The following NRG1 variants were observed in gnomAD, a reference collection of about 807,000 sequenced individuals.
The protein encoded by NRG1 is pro-neuregulin-1, membrane-bound isoform.
Under a neutral mutation model 63.8 loss-of-function variants are expected in NRG1, and 18 were observed. The observed-to-expected ratio is 0.28, with a 90% CI of 0.19 to 0.42. NRG1 has a LOEUF of 0.42. Among genes scored for constraint, NRG1 ranks in the 10% least tolerant of loss-of-function variants. The probability of loss-of-function intolerance (pLI) is 1.00; values close to 1 mark genes in which losing one functional copy is unlikely to be tolerated. For synonymous variants in NRG1, 302 were observed against 301.3 expected (o/e 1.00, Z -0.02); for missense variants, 762 against 814.7 (o/e 0.94, Z 0.79).
At position 31,801,985 on chromosome 8, in the gene NRG1, T is replaced by C. The variant is rs112040172; in HGVS notation, c.37+162554T>C. ...TGCTGCCATAGTGGGCCTATCCACA[T>C]GGCTCATTCTCTGTAACACTAACTT... On this transcript the variant is annotated intron_variant, in intron 1 of 10. Transcript: ENST00000519301. Among the ~76,000 whole-genome samples the C allele has an allele frequency of 6.0e-3, 915 of 152,316 alleles. 4 individuals are homozygous for C. The highest frequency in any genetic ancestry group is 9.7e-3 in the Non-Finnish European group (657 of 68,032).
intron 1 of NRG1, among the ~76,000 whole-genome samples, chr8:32,581,658 TACTTA>T (rs1189395152): frequency 1.5e-4 from 23 of 152,302 alleles, no homozygotes; most frequent in African/African-American, 4.1e-4. Context: ...GGAAGAGGGA[TACTTA>T]ACTTATTATT....
chr8:31,848,306 T>C (rs979939850), intron 1 of NRG1, among the ~76,000 whole-genome samples: 2 of 152,262 alleles, frequency 1.3e-5, no homozygotes, highest in Middle Eastern at 6.8e-3. Context: ...GTATTTTGGA[T>C]TACACAGAGT....
intron 1 of NRG1, among the ~76,000 whole-genome samples, chr8:32,301,123 G>A (rs78133209): frequency 0.026 from 3,953 of 152,218 alleles, 80 homozygotes; most frequent in Admixed American, 0.042. Context: ...ATGGAATTTG[G>A]TAGTAAAAGA....
intron 1 of NRG1, among the ~76,000 whole-genome samples, chr8:32,270,648 G>T (rs1184949713): frequency 2.6e-5 from 4 of 152,102 alleles, no homozygotes; most frequent in Non-Finnish European, 5.9e-5. Flanking sequence ...GTTTCTTTGG[G>T]ATTACCAATT....
Position 31,701,960 on chromosome 8 carries a change from T to G in NRG1, c.37+62529T>G, listed in dbSNP as rs138467778. Among the ~76,000 whole-genome samples, 11 of 152,206 alleles carry G rather than the reference T, an allele frequency of 7.2e-5. No homozygotes were observed. In the East Asian group the frequency reaches 2.1e-3, roughly 29 times the overall value. On this transcript the variant is annotated intron_variant, in intron 1 of 10. Coordinates refer to the NRG1 transcript ENST00000519301. ...CTGTGAGCTTATTAGAACTGTAAAT[T>G]TATGAGCCCCACCTAACCTATTGAG...
At chr8:32,384,089 T>C (rs1483899077) in intron 1 of NRG1, among the ~76,000 whole-genome samples, 1 of 151,928 alleles carries the variant, frequency 6.6e-6, no homozygotes, top group Non-Finnish European at 1.5e-5. Context: ...TAGAAAAACA[T>C]AGCCAGGAGT....
chr8:32,748,352 C>CAG (rs1827932510), intron 7 of NRG1, among the ~76,000 whole-genome samples: 1 of 99,962 alleles, frequency 1.0e-5, no homozygotes, highest in South Asian at 4.1e-4. Flanking sequence ...CACACACACA[C>CAG]ACACACAGAG....
chr8:32,614,410 A>T, intron 3 of NRG1, 104 bp from the exon 4 acceptor site: 1 of 1,102,838 alleles, frequency 9.1e-7, no homozygotes, highest in Non-Finnish European at 1.4e-6. Flanking sequence ...CCCTTGCAAT[A>T]CTTCCTTCCT....
chr8:31,808,689 CT>C (rs1267940207), intron 1 of NRG1, among the ~76,000 whole-genome samples: 1 of 152,014 alleles, frequency 6.6e-6, no homozygotes, highest in Non-Finnish European at 1.5e-5. Flanking sequence ...AATACCTAGA[CT>C]TATAAATCAG....
intron 1 of NRG1, among the ~76,000 whole-genome samples, chr8:31,972,472 C>T (rs1435588613): frequency 6.6e-6 from 1 of 152,140 alleles, no homozygotes; most frequent in Non-Finnish European, 1.5e-5. Flanking sequence ...ACAAGAACCT[C>T]TCATATCTCA....
intron 5 of NRG1, among the ~76,000 whole-genome samples, chr8:32,626,186 T>A (rs1453868205): frequency 6.7e-6 from 1 of 150,082 alleles, no homozygotes; most frequent in Non-Finnish European, 1.5e-5. Flanking sequence ...TGCATATTTC[T>A]TGGGAAGTGG....
intron 1 of NRG1, among the ~76,000 whole-genome samples, chr8:31,841,104 A>T (rs1343850983): frequency 6.6e-6 from 1 of 152,130 alleles, no homozygotes; most frequent in Non-Finnish European, 1.5e-5. Flanking sequence ...AAGTTACTAT[A>T]CTTTGCCTGC....
intron 1 of NRG1, among the ~76,000 whole-genome samples, chr8:31,939,585 T>C (rs955885153): frequency 2.0e-4 from 30 of 151,608 alleles, no homozygotes; most frequent in African/African-American, 5.6e-4. Flanking sequence ...TAACATTGAA[T>C]GTAAATAGCC....
At chr8:32,211,001 C>T (rs1180004464) in intron 1 of NRG1, among the ~76,000 whole-genome samples, 1 of 152,064 alleles carries the variant, frequency 6.6e-6, no homozygotes, top group African/African-American at 2.4e-5. Context: ...ATTAATACAC[C>T]CTCTTTATAA....
At chr8:32,190,250 A>AT (rs1842363132) in intron 1 of NRG1, among the ~76,000 whole-genome samples, 1 of 151,374 alleles carries the variant, frequency 6.6e-6, no homozygotes, top group African/African-American at 2.4e-5. Flanking sequence ...TCCTCTAGAT[A>AT]TTTTTTCTGC....
intron 1 of NRG1, among the ~76,000 whole-genome samples, chr8:32,074,359 G>A (rs1354377462): frequency 6.6e-6 from 1 of 152,108 alleles, no homozygotes; most frequent in African/African-American, 2.4e-5. Flanking sequence ...ACTCAAGCAT[G>A]ATTAGAATTG....
intron 3 of NRG1, among the ~76,000 whole-genome samples, chr8:32,609,283 T>G (rs1267357975): frequency 6.6e-6 from 1 of 152,186 alleles, no homozygotes; most frequent in Admixed American, 6.5e-5. Context: ...AAGAATTTGC[T>G]ATATTCTGTT....
chr8:32,092,460 T>TGAA (rs1587068112), intron 1 of NRG1, among the ~76,000 whole-genome samples: 1 of 43,246 alleles, frequency 2.3e-5, no homozygotes, highest in Non-Finnish European at 5.3e-5. Context: ...AGACCCTGTC[T>TGAA]CAAAAAAAAA....
chr8:31,831,633 GGGTATTCTC>G (rs1825173871), intron 1 of NRG1, among the ~76,000 whole-genome samples: 1 of 152,108 alleles, frequency 6.6e-6, no homozygotes, highest in Non-Finnish European at 1.5e-5. Context: ...GGTCAATTTT[GGGTATTCTC>G]TCTCTATGGA....
Sources: allele counts gnomAD v4.1 joint callset (sites outside exome capture counted in the v4.1 genomes callset), GRCh38; gene constraint gnomAD v4.1.1; transcripts MANE v1.5; gene names NCBI Gene and HGNC (gene_info 2026-07-23, HGNC 2026-07-21).